The following TCIRG1 variants were observed in gnomAD, a reference collection of about 807,000 sequenced individuals.
The protein encoded by TCIRG1 is V-type proton ATPase 116 kDa subunit a 3.
TCIRG1 carries 86 observed loss-of-function variants against 95.5 expected under a neutral mutation model. The ratio of observed to expected loss-of-function variants is 0.90; its 90% CI spans 0.76 to 1.08. The LOEUF (loss-of-function observed/expected upper bound fraction) is 1.08, where lower values mean the gene tolerates loss of function less well. Among genes scored for constraint, TCIRG1 ranks in the 50% least tolerant of loss-of-function variants. The probability of loss-of-function intolerance (pLI) is 0.00; values close to 1 mark genes in which losing one functional copy is unlikely to be tolerated. For synonymous variants in TCIRG1, 499 were observed against 501.3 expected (o/e 1.00, Z 0.06); for missense variants, 1,069 against 1,140.2 (o/e 0.94, Z 0.90).
At chr11:68,047,332 G>T in intron 10 of TCIRG1, 101 bp from the exon 11 acceptor site, 1 of 1,364,954 alleles carries the variant, frequency 7.3e-7, no homozygotes, top group Non-Finnish European at 1.0e-6. Flanking sequence ...CTAAGTGATG[G>T]GTTCTTGACT....
chr11:68,044,952 A>G lies in TCIRG1; in HGVS notation c.1021-6A>G, dbSNP rs1565157455. ...CGTTCTGGTCTGTCTCTGCCCTGGC[A>G]CCCAGATGGAGGAGGGAGTGAGTGC... On this transcript the variant is annotated splice_polypyrimidine_tract_variant and splice_region_variant and intron_variant, in intron 9 of 19. Coordinates refer to ENST00000265686, the MANE Select transcript of TCIRG1 (RefSeq NM_006019.4). The G allele has an allele frequency of 6.2e-7, 1 of 1,606,982 alleles. No individual in the cohort carries two copies. The highest frequency in any genetic ancestry group is 8.5e-7 in the Non-Finnish European group (1 of 1,179,928).
In TCIRG1 at chr11:68,048,872, A is replaced by C. The variant is rs1590815422; in HGVS notation, c.1555-7A>C. The C allele has an allele frequency of 1.9e-6, 3 of 1,604,208 alleles. No homozygotes were observed. The highest frequency in any genetic ancestry group is 2.6e-6 in the Non-Finnish European group (3 of 1,175,394). ...CTGAGTCCAGCCCACCCCTGCTGCC[A>C]CCCTAGATTTGGAGCCTGGCTGCCA... is the stretch of plus-strand genomic sequence containing the variant. On this transcript the variant is annotated splice_polypyrimidine_tract_variant and splice_region_variant and intron_variant, in intron 13 of 19. Coordinates refer to ENST00000265686, the MANE Select transcript of TCIRG1 (RefSeq NM_006019.4).
chr11:68,049,794 A>T lies in TCIRG1; in HGVS notation c.2013+6A>T. ...GGAGGCCCGCTGACCGACAGGTGGG[A>T]CCGGGGCCTAAGGTGTGGGGGGCTG... On this transcript the variant is annotated splice_donor_region_variant and intron_variant, in intron 16 of 19. Coordinates refer to ENST00000265686, the MANE Select transcript of TCIRG1 (RefSeq NM_006019.4). The T allele has an allele frequency of 6.4e-7, 1 of 1,566,884 alleles. No homozygotes were observed. The highest frequency in any genetic ancestry group is 8.6e-7 in the Non-Finnish European group (1 of 1,163,560).
rs771368616 is a variant in TCIRG1, at chr11:68,050,054, A to G, written c.2106A>G (p.Glu702=). ...DEEKAGGLDD[E]EEAELVPSEV... ...AAAAGGCAGGGGGCCTGGATGATGA[A>G]GAGGAGGCCGAGGTGGGTGCAGTGC... The change falls in exon 17 of 20, where the codon GAA becomes GAG. Residue 702 remains glutamate, a synonymous_variant. Transcript: ENST00000265686. 4 of 1,613,334 alleles carry G rather than the reference A, an allele frequency of 2.5e-6. No homozygotes were observed. The South Asian group carries it at 4.4e-5, about 18-fold the overall frequency.
intron 9 of TCIRG1, 49 bp from the exon 10 acceptor site, chr11:68,044,909 C>T: frequency 6.2e-7 from 1 of 1,601,414 alleles, no homozygotes; most frequent in Non-Finnish European, 8.5e-7. Context: ...TCCCAGGGTC[C>T]CTGAAGGCCC....
Position 68,050,516 on chromosome 11 carries a change from A to G in TCIRG1, c.2266A>G (p.Met756Val), listed in dbSNP as rs750493196. 1.2e-6 allele frequency: 2 copies of G among 1,613,586 alleles called. No individual in the cohort carries two copies. The highest frequency in any genetic ancestry group is 1.7e-6 in the Non-Finnish European group (2 of 1,179,998). ...QLSEVLWAMV[M>V]RIGLGLGREV... ...GTCCGAGGTTCTGTGGGCCATGGTG[A>G]TGCGCATAGGCCTGGGCCTGGGCCG... Residue 756 changes from methionine to valine, a missense_variant, in exon 19 of 20, where the codon ATG becomes GTG. Physicochemically the swap from Met to Val is conservative, Grantham distance 21. Coordinates refer to ENST00000265686, the MANE Select transcript of TCIRG1 (RefSeq NM_006019.4).
At chr11:68,051,921 G>A (rs768536635), downstream of TCIRG1, among the ~76,000 whole-genome samples, 4 of 152,278 alleles carry the variant, frequency 2.6e-5, no homozygotes, top group Middle Eastern at 6.8e-3. Flanking sequence ...TAGGAGGGGT[G>A]CAGTGTGGGA....
At position 68,047,871 on chromosome 11, in the gene TCIRG1, C is replaced by T. The variant is rs376554417; in HGVS notation, c.1464-11C>T. On this transcript the variant is annotated splice_polypyrimidine_tract_variant and intron_variant, in intron 12 of 19. Coordinates refer to ENST00000265686, the MANE Select transcript of TCIRG1 (RefSeq NM_006019.4). Reference sequence around the variant, plus strand: ...CCGCAGCCCTGACCGCCCTCCCCTGCGTTGCCGCAGTGATGCATTCCTGGC... The same window carrying T: ...CCGCAGCCCTGACCGCCCTCCCCTGTGTTGCCGCAGTGATGCATTCCTGGC... 3.1e-6 allele frequency: 5 copies of T among 1,613,288 alleles called. No homozygotes were observed. Among genetic ancestry groups the T allele is most frequent in the East Asian group, 2.2e-5 (1 of 44,884 alleles).
intron 10 of TCIRG1, chr11:68,047,006 C>CTT (rs5792432): frequency 0.063 from 20,371 of 321,176 alleles, 75 homozygotes; most frequent in East Asian, 0.084. Flanking sequence ...GTGGTGGGTT[C>CTT]TTTTTTTTTT....
chr11:68,043,999 G>T, intron 8 of TCIRG1, 92 bp downstream of exon 8: 1 of 1,310,640 alleles, frequency 7.6e-7, no homozygotes, highest in Non-Finnish European at 1.1e-6. Flanking sequence ...CCCTGGCCTG[G>T]CCTCCAGGAG....
rs1855354509 is a variant in TCIRG1 at position 68,044,314 on chromosome 11, CGCCCTGCAGGAG to C, written c.998_1009del (p.Gln333_Leu336del). On this transcript the variant is annotated inframe_deletion, in exon 9 of 20. Coordinates refer to ENST00000265686, the MANE Select transcript of TCIRG1 (RefSeq NM_006019.4). ...CCTGGTGCTCTGTGCGAGACCTGCC[CGCCCTGCAGGAG>C]GCCCTGCGGGACAGCTCGGTGAGCA... 6.3e-7 allele frequency: 1 copy of C among 1,598,832 alleles called. No homozygotes were observed.
At position 68,047,812 on chromosome 11, in the gene TCIRG1, C is replaced by T. The variant is rs1855582395; in HGVS notation, c.1463+8C>T. 2 of 1,612,314 alleles carry T rather than the reference C, an allele frequency of 1.2e-6. No individual in the cohort carries two copies. Among genetic ancestry groups the T allele is most frequent in the East Asian group, 4.5e-5 (2 of 44,854 alleles). ...CAACCAGTCTGGCTGGAGGTGAGGC[C>T]CGGGCCCCAGCCCGGCTGGGGGCCC... is the stretch of plus-strand genomic sequence containing the variant. On this transcript the variant is annotated splice_region_variant and intron_variant, in intron 12 of 19. Coordinates refer to ENST00000265686, the MANE Select transcript of TCIRG1 (RefSeq NM_006019.4).
chr11:68,050,886 C>T lies in TCIRG1; in HGVS notation c.*67C>T, dbSNP rs570860062. On this transcript the variant is annotated 3_prime_UTR_variant, in exon 20 of 20. Transcript: ENST00000265686. ...AGGCAGGAGAGGAATAAAGACGGTCCGCCCTGGCAGTGATGTCTCGTCTCT... is the reference window on the plus strand; with the variant it reads ...AGGCAGGAGAGGAATAAAGACGGTCTGCCCTGGCAGTGATGTCTCGTCTCT... 202 of 1,549,746 alleles carry T rather than the reference C, an allele frequency of 1.3e-4. No individual in the cohort carries two copies. The African/African-American group carries it at 1.6e-3, about 12-fold the overall frequency.
Position 68,043,858 on chromosome 11 carries a change from G to T in TCIRG1, c.758G>T (p.Arg253Leu), listed in dbSNP as rs755617128. 2 of 1,569,556 alleles carry T rather than the reference G, an allele frequency of 1.3e-6. No homozygotes were observed. Among genetic ancestry groups the T allele is most frequent in the Middle Eastern group, 1.7e-4 (1 of 5,994 alleles). ...VFPFLQQEEARLGALQQLQQQ... is the reference protein window; with the variant it reads ...VFPFLQQEEALLGALQQLQQQ... ...CCGTTTCTGCAGCAGGAGGAGGCCC[G>T]CCTCGGGGCCCTGCAGCAGCTGCAA... Residue 253 changes from arginine to leucine, a missense_variant, in exon 8 of 20, where the codon CGC becomes CTC. By Grantham distance (102) the Arg-to-Leu change is moderately radical. Transcript: ENST00000265686.
At position 68,042,754 on chromosome 11, in the gene TCIRG1, G is replaced by A. The variant is rs775326246; in HGVS notation, c.308G>A (p.Arg103His). ...DLLRIQEETE[R>H]LAQELRDVRG... ...CTGCGCATCCAGGAGGAGACGGAGCGCCTGGCCCAGGAGCTGCGGGATGTG... is the reference window on the plus strand; with the variant it reads ...CTGCGCATCCAGGAGGAGACGGAGCACCTGGCCCAGGAGCTGCGGGATGTG... The change falls in exon 4 of 20, where the codon CGC (arginine) becomes CAC (histidine). Residue 103 changes from arginine (R) to histidine (H), a missense_variant. Arg to His is a conservative substitution (Grantham distance 29, BLOSUM62 0). Transcript: ENST00000265686. 54 of 1,547,262 alleles carry A rather than the reference G, an allele frequency of 3.5e-5. No individual in the cohort carries two copies. Among genetic ancestry groups the A allele is most frequent in the South Asian group, 2.6e-4 (22 of 83,942 alleles).
Position 68,043,491 on chromosome 11 carries a change from C to T in TCIRG1, c.624C>T (p.Pro208=), listed in dbSNP as rs779281265. 29 of 1,568,026 alleles carry T rather than the reference C, an allele frequency of 1.8e-5. No homozygotes were observed. The highest frequency in any genetic ancestry group is 4.7e-5 in the South Asian group (4 of 85,740). ...FRELEQPLEH[P]VTGEPATWMT... ...AGCTGGAGCAGCCGCTGGAGCACCC[C>T]GTGACGGTGAGCAGCTGGCGCTGGG... Residue 208 remains proline (P), a synonymous_variant, in exon 6 of 20, where the codon CCC becomes CCT. Transcript: ENST00000265686.
At position 68,049,085 on chromosome 11, in the gene TCIRG1, T is replaced by G; in HGVS notation, c.1678T>G (p.Phe560Val). 1 of 1,613,448 alleles carries G rather than the reference T, an allele frequency of 6.2e-7. No homozygotes were observed. The highest frequency in any genetic ancestry group is 8.5e-7 in the Non-Finnish European group (1 of 1,180,000). ...VVLGVFNHVHFGQRHRLLLET... is the reference protein window; with the variant it reads ...VVLGVFNHVHVGQRHRLLLET... ...CACCTCCCTCTTGCCCGCCAGGCAC[T>G]TTGGCCAGAGGCACCGGCTGCTGCT... The change falls in exon 15 of 20, where the codon TTT becomes GTT. Residue 560 changes from phenylalanine (F) to valine (V), a missense_variant. Phe to Val is a conservative substitution (Grantham distance 50). Transcript: ENST00000265686.
chr11:68,043,512 C>T lies in TCIRG1; in HGVS notation c.630+15C>T, dbSNP rs770659730. On this transcript the variant is annotated intron_variant, in intron 6 of 19. Transcript: ENST00000265686. ...ACCCCGTGACGGTGAGCAGCTGGCG[C>T]TGGGCTGGGGGGTCCTGGGCAGAGC... is the stretch of plus-strand genomic sequence containing the variant. 2 of 1,579,480 alleles carry T rather than the reference C, an allele frequency of 1.3e-6. No homozygotes were observed. Among genetic ancestry groups the T allele is most frequent in the African/African-American group, 1.3e-5 (1 of 74,278 alleles).
chr11:68,042,392 G>A (rs1156673736), intron 3 of TCIRG1, among the ~76,000 whole-genome samples: 2 of 152,220 alleles, frequency 1.3e-5, no homozygotes, highest in Non-Finnish European at 2.9e-5. Context: ...TGCAGCGCAA[G>A]GGCCGGCCTG....
Sources: allele counts gnomAD v4.1 joint callset (sites outside exome capture counted in the v4.1 genomes callset), GRCh38; gene constraint gnomAD v4.1.1; transcripts MANE v1.5; gene names NCBI Gene and HGNC (gene_info 2026-07-23, HGNC 2026-07-21).